Variants in ITPRID1 observed in about 807,000 individuals in gnomAD.
The protein encoded by ITPRID1 is ITPR interacting domain containing 1, also known as protein ITPRID1.
In ITPRID1, 96 loss-of-function variants were observed where a neutral mutation model predicts 95.4. The ratio of observed to expected loss-of-function variants is 1.01; its 90% CI spans 0.85 to 1.19. The LOEUF is 1.19. Among genes scored for constraint, ITPRID1 ranks in the 50% most tolerant of loss-of-function variants. The pLI is 0.00. For missense variants in ITPRID1, 1,339 were observed against 1,252.9 expected (o/e 1.07, Z -1.04); for synonymous variants, 510 against 453.6 (o/e 1.12, Z -1.58).
intron 5 of ITPRID1, among the ~76,000 whole-genome samples, chr7:31,559,154 G>T (rs1184291047): frequency 6.6e-6 from 1 of 152,132 alleles, no homozygotes; most frequent in East Asian, 1.9e-4. Context: ...AAGTATTTCT[G>T]GGAGTTATTA....
chr7:31,577,789 A>G, intron 8 of ITPRID1, 74 bp from the exon 9 acceptor site: 2 of 1,255,810 alleles, frequency 1.6e-6, no homozygotes, highest in Non-Finnish European at 2.2e-6. Flanking sequence ...CGGACCCTTC[A>G]GTTTTGACTA....
chr7:31,559,206 C>G (rs748478341), intron 5 of ITPRID1, among the ~76,000 whole-genome samples: 1 of 152,130 alleles, frequency 6.6e-6, no homozygotes, highest in Non-Finnish European at 1.5e-5. Context: ...CTTCCACTGC[C>G]CCTGCTACTA....
intron 10 of ITPRID1, among the ~76,000 whole-genome samples, chr7:31,625,988 G>T (rs555512502): frequency 6.6e-6 from 1 of 152,186 alleles, no homozygotes; most frequent in East Asian, 1.9e-4. Flanking sequence ...AGTAAACTTT[G>T]CTATGACTTT....
At chr7:31,583,262 C>T in intron 10 of ITPRID1, 71 bp downstream of exon 10, 1 of 1,053,792 alleles carries the variant, frequency 9.5e-7, no homozygotes, top group Non-Finnish European at 1.5e-6. Context: ...ATTTAAATTT[C>T]TTAATATGTA....
chr7:31,633,429 T>TA (rs1789199982), intron 10 of ITPRID1, among the ~76,000 whole-genome samples: 2 of 152,164 alleles, frequency 1.3e-5, no homozygotes, highest in Admixed American at 1.3e-4. Flanking sequence ...TGACCATCTA[T>TA]AAGGAGTGTT....
At chr7:31,555,104 C>T in intron 5 of ITPRID1, 1 of 537,024 alleles carries the variant, frequency 1.9e-6, no homozygotes, top group Non-Finnish European at 3.3e-6. Flanking sequence ...AGGTTAAGGG[C>T]CGAACCCAGG....
chr7:31,658,213 C>T, downstream of ITPRID1: 1 of 1,424,212 alleles, frequency 7.0e-7, no homozygotes, highest in Non-Finnish European at 9.2e-7. Flanking sequence ...CACAGAAGAA[C>T]ACTTCCCAGA....
intron 10 of ITPRID1, among the ~76,000 whole-genome samples, chr7:31,615,920 AT>A (rs907239636): frequency 2.6e-5 from 4 of 151,360 alleles, no homozygotes; most frequent in East Asian, 3.9e-4. Flanking sequence ...CGCCTGGCTA[AT>A]TTTTTTTGTA....
chr7:31,631,237 T>C (rs1268892357), intron 10 of ITPRID1, among the ~76,000 whole-genome samples: 1 of 152,180 alleles, frequency 6.6e-6, no homozygotes, highest in Non-Finnish European at 1.5e-5. Flanking sequence ...GGCACAATTA[T>C]GCTACCAAAA....
chr7:31,652,114 G>A (rs1791017156), intron 14 of ITPRID1, 64 bp downstream of exon 14: 2 of 1,147,950 alleles, frequency 1.7e-6, no homozygotes, highest in East Asian at 2.6e-5. Flanking sequence ...TGCATTAAAT[G>A]AGAAACTTGA....
At chr7:31,658,173 G>C, downstream of ITPRID1, 1 of 1,093,382 alleles carries the variant, frequency 9.1e-7, no homozygotes, top group East Asian at 2.6e-5. Flanking sequence ...AGGCCATGTA[G>C]ATTTGTGTAA....
intron 10 of ITPRID1, among the ~76,000 whole-genome samples, chr7:31,591,211 G>T (rs190643312): frequency 6.3e-4 from 96 of 152,236 alleles, no homozygotes; most frequent in Non-Finnish European, 1.0e-3. Flanking sequence ...CAAGATACAT[G>T]TTATAATTGA....
At chr7:31,576,288 G>A (rs975659019) in intron 8 of ITPRID1, among the ~76,000 whole-genome samples, 19 of 152,098 alleles carry the variant, frequency 1.2e-4, no homozygotes, top group African/African-American at 4.1e-4. Context: ...CGATACAAAT[G>A]TTTAAACTTG....
chr7:31,630,888 A>C (rs1187429445), intron 10 of ITPRID1, among the ~76,000 whole-genome samples: 1 of 152,194 alleles, frequency 6.6e-6, no homozygotes, highest in African/African-American at 2.4e-5. Context: ...TGCTGAATTC[A>C]AGAAAAAAAT....
rs187017432 is a variant in ITPRID1, at chr7:31,656,147, A to G, written c.*3318A>G. On this transcript the variant is annotated 3_prime_UTR_variant, in exon 15 of 15. Coordinates refer to ENST00000615280, the MANE Select transcript of ITPRID1 (RefSeq NM_001257967.3). The stretch of plus-strand genomic sequence containing the variant: ...TATCACTTTGCTTTTTTGTTAAAAC[A>G]CTGAAAACCTCCTGTCTTGTGTTAC... 7.4e-5 allele frequency: 31 copies of G among 420,156 alleles called. No individual in the cohort carries two copies. In the East Asian group the frequency reaches 5.0e-3, roughly 67 times the overall value. The allele number at this position is 420,156 out of a possible 1,614,324, so 26.0% of individuals were successfully genotyped here. A position where few individuals can be genotyped will look rare whatever the true frequency, so the allele number is the denominator to read the frequency against.
chr7:31,632,316 C>G (rs2128195370), intron 10 of ITPRID1, among the ~76,000 whole-genome samples: 1 of 152,160 alleles, frequency 6.6e-6, no homozygotes, highest in East Asian at 1.9e-4. Context: ...GGCGTGGTGG[C>G]ACGTGCCTGT....
intron 10 of ITPRID1, among the ~76,000 whole-genome samples, chr7:31,629,038 A>T (rs1381944736): frequency 6.6e-6 from 1 of 152,198 alleles, no homozygotes; most frequent in East Asian, 1.9e-4. Flanking sequence ...GCGTTACAAA[A>T]TTTGAAACCT....
At chr7:31,556,028 C>T (rs1248614931) in intron 5 of ITPRID1, among the ~76,000 whole-genome samples, 2 of 152,242 alleles carry the variant, frequency 1.3e-5, no homozygotes, top group African/African-American at 2.4e-5. Context: ...AAATAGCCAG[C>T]ATTTCATATC....
chr7:31,578,234 T>A lies in ITPRID1; in HGVS notation c.970T>A (p.Leu324Met). 3.1e-6 allele frequency: 5 copies of A among 1,613,752 alleles called. No homozygotes were observed. Among genetic ancestry groups the A allele is most frequent in the Non-Finnish European group, 4.2e-6 (5 of 1,179,766 alleles). The change falls in exon 9 of 15, where the codon TTG (leucine) becomes ATG (methionine). Residue 324 changes from leucine (L) to methionine (M), a missense_variant. Leu to Met is a conservative substitution (Grantham distance 15). Coordinates refer to ENST00000615280, the MANE Select transcript of ITPRID1 (RefSeq NM_001257967.3). ...EHQSLQACDD[L>M]LPYPPHGLLS... The stretch of plus-strand genomic sequence containing the variant: ...TCAGTCTCTCCAAGCCTGTGATGAT[T>A]TGCTACCTTATCCTCCTCATGGTCT...
Sources: gnomAD v4.1 joint callset for allele counts (sites outside exome capture counted in the v4.1 genomes callset) on GRCh38, gnomAD v4.1.1 for gene constraint, MANE v1.5 for transcripts, NCBI Gene and HGNC (gene_info 2026-07-23, HGNC 2026-07-21) for gene names.